MDH1B: variants seen among roughly 807,000 people sequenced by gnomAD.
MDH1B encodes the protein putative malate dehydrogenase 1B.
MDH1B carries 60 observed loss-of-function variants against 61.4 expected under a neutral mutation model. That is an observed-to-expected ratio of 0.98 (90% confidence interval 0.79 to 1.21). MDH1B has a LOEUF of 1.21. Ranked by LOEUF, MDH1B falls within the 50% of genes most tolerant of loss-of-function variation. MDH1B has a pLI of 0.00. For missense variants in MDH1B, 587 were observed against 632.1 expected, an observed-to-expected ratio of 0.93 and a Z score of 0.76; for synonymous variants, 236 against 218.7, an observed-to-expected ratio of 1.08 and a Z score of -0.70.
intron 9 of MDH1B, 124 bp from the exon 10 acceptor site, chr2:206,741,228 C>A (rs557321586): frequency 2.4e-6 from 3 of 1,272,904 alleles, no homozygotes; most frequent in Admixed American, 2.1e-5. Context: ...ATAAAAGACA[C>A]ATTTTACATT....
In MDH1B at chr2:206,738,024, G is replaced by T. The variant is rs1238994857; in HGVS notation, c.*459C>A. Reference sequence around the variant, plus strand: ...GTCTCAGTTCAATTTTTTTTTGAGAGACAGAGAGAAAATATGATTGGTTCT... The same window carrying T: ...GTCTCAGTTCAATTTTTTTTTGAGATACAGAGAGAAAATATGATTGGTTCT... On this transcript the variant is annotated 3_prime_UTR_variant, in exon 12 of 12. Transcript: ENST00000374412. The T allele has an allele frequency of 3.3e-5, 5 of 152,682 alleles. No homozygotes were observed. The highest frequency in any genetic ancestry group is 1.2e-4 in the African/African-American group (5 of 41,432). 9.5% of individuals were successfully genotyped at this position (152,682 alleles called of 1,614,324 possible). A position where few individuals can be genotyped will look rare whatever the true frequency, so the allele number is the denominator to read the frequency against.
chr2:206,752,971 A>G (rs1275681057), intron 5 of MDH1B, among the ~76,000 whole-genome samples: 1 of 147,212 alleles, frequency 6.8e-6, no homozygotes, highest in African/African-American at 2.5e-5. Flanking sequence ...TGATTTAGAG[A>G]TGGGCATGCA....
intron 2 of MDH1B, 21 bp downstream of exon 2, chr2:206,760,880 C>A: frequency 7.0e-7 from 1 of 1,428,246 alleles, no homozygotes; most frequent in Non-Finnish European, 9.9e-7. Flanking sequence ...GTGAGTTCAA[C>A]AAACTATAAA....
At position 206,760,917 on chromosome 2, in the gene MDH1B, C is replaced by T. The variant is rs182383267; in HGVS notation, c.119G>A (p.Arg40His). The change falls in exon 2 of 12, where the codon CGT becomes CAT. Residue 40 changes from arginine (R) to histidine (H), a missense_variant. Transcript: ENST00000374412. ...PDFRIHKITQRPEVWEDWLKD... is the reference protein window; with the variant it reads ...PDFRIHKITQHPEVWEDWLKD... ...GCTTCTTACCTCCCAAACCTCAGGACGTTGTGTGATTTTATGTATCCGAAA... is the reference window on the plus strand; with the variant it reads ...GCTTCTTACCTCCCAAACCTCAGGATGTTGTGTGATTTTATGTATCCGAAA... 4.1e-5 allele frequency: 66 copies of T among 1,606,396 alleles called. No individual in the cohort carries two copies. Among genetic ancestry groups the T allele is most frequent in the Middle Eastern group, 3.3e-4 (2 of 6,048 alleles).
chr2:206,738,693 A>T (rs563162788), intron 11 of MDH1B, among the ~76,000 whole-genome samples, 182 bp from the exon 12 acceptor site: 1 of 152,316 alleles, frequency 6.6e-6, no homozygotes, highest in East Asian at 1.9e-4. Flanking sequence ...GTATTTTCAT[A>T]TAGCAAAACT....
intron 1 of MDH1B, among the ~76,000 whole-genome samples, chr2:206,761,983 C>T (rs1325666318): frequency 6.6e-6 from 1 of 152,114 alleles, no homozygotes; most frequent in Non-Finnish European, 1.5e-5. Context: ...AGCCCCTTAT[C>T]CTGGATGAAC....
chr2:206,757,620 T>C (rs1454360001), intron 2 of MDH1B, among the ~76,000 whole-genome samples: 1 of 152,202 alleles, frequency 6.6e-6, no homozygotes, highest in Non-Finnish European at 1.5e-5. Flanking sequence ...AGTTGCTCTT[T>C]TTGCTGAGGA....
chr2:206,756,395 G>GCA lies in MDH1B; in HGVS notation c.413+501_413+502dup, dbSNP rs1206969377. Among the ~76,000 whole-genome samples the GCA allele has an allele frequency of 4.6e-5, 7 of 152,128 alleles. No homozygotes were observed. In the South Asian group the frequency reaches 1.5e-3, roughly 32 times the overall value. On this transcript the variant is annotated intron_variant, in intron 4 of 11. Coordinates refer to ENST00000374412, the MANE Select transcript of MDH1B (RefSeq NM_001039845.3). The stretch of plus-strand genomic sequence containing the variant: ...AAGGAGAAGGGGAGGGAGAGAGAGA[G>GCA]CAAGAGAGACAGAGAGACAGTGCAG...
intron 1 of MDH1B, among the ~76,000 whole-genome samples, chr2:206,763,003 T>C (rs1485857210): frequency 2.0e-5 from 3 of 152,090 alleles, no homozygotes; most frequent in Non-Finnish European, 4.4e-5. Flanking sequence ...ATCTGCTTCA[T>C]TCCCTTGGCT....
At position 206,760,884 on chromosome 2, in the gene MDH1B, C is replaced by G. The variant is rs749247415; in HGVS notation, c.135+17G>C. The G allele has an allele frequency of 1.7e-5, 25 of 1,456,534 alleles. No individual in the cohort carries two copies. Among genetic ancestry groups the G allele is most frequent in the Admixed American group, 1.7e-5 (1 of 58,702 alleles). The allele number at this position is 1,456,534 out of a possible 1,614,324, so 90.2% of individuals were successfully genotyped here. A position where few individuals can be genotyped will look rare whatever the true frequency, so the allele number is the denominator to read the frequency against. Reference sequence around the variant, plus strand: ...TTTGTGCATGAGTGAGTTCAACAAACTATAAAGGCTTCTTACCTCCCAAAC... The same window carrying G: ...TTTGTGCATGAGTGAGTTCAACAAAGTATAAAGGCTTCTTACCTCCCAAAC... On this transcript the variant is annotated intron_variant, in intron 2 of 11. Coordinates refer to ENST00000374412, the MANE Select transcript of MDH1B (RefSeq NM_001039845.3).
At chr2:206,764,810 C>T (rs1689335072) in intron 1 of MDH1B, among the ~76,000 whole-genome samples, 1 of 152,142 alleles carries the variant, frequency 6.6e-6, no homozygotes, top group East Asian at 1.9e-4. Flanking sequence ...TTCTGTTAGG[C>T]CAGGAAGCTT....
chr2:206,762,656 T>C (rs1372176862), intron 1 of MDH1B, among the ~76,000 whole-genome samples: 1 of 152,232 alleles, frequency 6.6e-6, no homozygotes, highest in Non-Finnish European at 1.5e-5. Flanking sequence ...AAGAGTTCCC[T>C]ATATTTGCCA....
At chr2:206,739,530 T>C in intron 11 of MDH1B, 63 bp downstream of exon 11, 1 of 1,421,700 alleles carries the variant, frequency 7.0e-7, no homozygotes, top group Non-Finnish European at 9.9e-7. Flanking sequence ...AATTTGATCC[T>C]CTATTACCCA....
chr2:206,746,510 A>G, intron 7 of MDH1B, 84 bp from the exon 8 acceptor site: 1 of 1,382,458 alleles, frequency 7.2e-7, no homozygotes, highest in Middle Eastern at 1.8e-4. Context: ...AGAAAATGAC[A>G]GACATAGTAT....
At chr2:206,749,262 C>A in intron 6 of MDH1B, 79 bp from the exon 7 acceptor site, 1 of 1,211,866 alleles carries the variant, frequency 8.3e-7, no homozygotes, top group South Asian at 1.4e-5. Flanking sequence ...CTCAGTGGAA[C>A]TAAGTATCAG....
At position 206,765,302 on chromosome 2, in the gene MDH1B, G is replaced by A. The variant is rs1173953007; in HGVS notation, c.-31C>T. ...AGAGAGACTCAGAGGCAGGGACCGC[G>A]GCTTCGCGGTTTCCTGGCAACCACG... On this transcript the variant is annotated 5_prime_UTR_variant, in exon 1 of 12. Transcript: ENST00000374412. 2 of 1,578,362 alleles carry A rather than the reference G, an allele frequency of 1.3e-6. No individual in the cohort carries two copies. Among genetic ancestry groups the A allele is most frequent in the Admixed American group, 2.0e-5 (1 of 50,482 alleles).
intron 2 of MDH1B, among the ~76,000 whole-genome samples, chr2:206,759,710 T>C (rs957429504): frequency 1.3e-5 from 2 of 152,332 alleles, no homozygotes; most frequent in South Asian, 4.1e-4. Context: ...TTTTTTCATA[T>C]GATTGTAGCC....
At chr2:206,744,733 C>T (rs1297048573) in intron 9 of MDH1B, among the ~76,000 whole-genome samples, 7 of 151,408 alleles carry the variant, frequency 4.6e-5, no homozygotes, top group Admixed American at 4.6e-4. Context: ...GAGACCAGCC[C>T]GGCCAACATA....
chr2:206,753,719 C>G (rs1166729529), intron 5 of MDH1B, among the ~76,000 whole-genome samples: 4 of 152,220 alleles, frequency 2.6e-5, no homozygotes, highest in Non-Finnish European at 5.9e-5. Context: ...CTCTGTCCCT[C>G]TAATGCCTTT....
Sources: allele counts gnomAD v4.1 joint callset (sites outside exome capture counted in the v4.1 genomes callset), GRCh38; gene constraint gnomAD v4.1.1; transcripts MANE v1.5; gene names NCBI Gene and HGNC (gene_info 2026-07-23, HGNC 2026-07-21).